Variants in MICU2 observed in about 807,000 individuals in gnomAD.
MICU2 encodes the protein mitochondrial calcium uptake 2, also known as calcium uptake protein 2, mitochondrial.
MICU2 carries 64 observed loss-of-function variants against 60.4 expected under a neutral mutation model. The observed-to-expected ratio is 1.06, with a 90% CI of 0.87 to 1.31. The LOEUF (loss-of-function observed/expected upper bound fraction) is 1.31. Ranked by LOEUF, MICU2 falls within the 50% of genes most tolerant of loss-of-function variation. The pLI, the probability that MICU2 is intolerant of heterozygous loss-of-function variation, is 0.00. For synonymous variants in MICU2, 201 were observed against 175.0 expected (o/e 1.15, Z -1.17); for missense variants, 569 against 531.0 (o/e 1.07, Z -0.70).
intron 1 of MICU2, among the ~76,000 whole-genome samples, chr13:21,576,384 G>A (rs1282032009): frequency 6.6e-6 from 1 of 152,064 alleles, no homozygotes; most frequent in Non-Finnish European, 1.5e-5. Context: ...CCTGGAAACT[G>A]AGAACTTCAA....
intron 1 of MICU2, among the ~76,000 whole-genome samples, chr13:21,569,113 G>A (rs1888049118): frequency 1.3e-5 from 2 of 152,102 alleles, no homozygotes; most frequent in African/African-American, 4.8e-5. Flanking sequence ...GTTGATTTCC[G>A]AGCTTGAGGC....
intron 8 of MICU2, among the ~76,000 whole-genome samples, 194 bp from the exon 9 acceptor site, chr13:21,503,291 TG>T (rs2138138716): frequency 6.6e-6 from 1 of 152,288 alleles, no homozygotes; most frequent in East Asian, 1.9e-4. Flanking sequence ...AGTCCAACAC[TG>T]GCTTCCATCA....
chr13:21,518,469 G>A (rs984600726), intron 6 of MICU2, among the ~76,000 whole-genome samples: 3 of 152,114 alleles, frequency 2.0e-5, no homozygotes, highest in South Asian at 2.1e-4. Context: ...CAGGGGCTCC[G>A]CTATGCCCAC....
At chr13:21,556,410 A>T (rs989076736) in intron 2 of MICU2, among the ~76,000 whole-genome samples, 1 of 152,158 alleles carries the variant, frequency 6.6e-6, no homozygotes, top group Non-Finnish European at 1.5e-5. Context: ...GGAATAACTC[A>T]CCACTCAGTC....
chr13:21,514,808 G>T (rs1014075229), intron 6 of MICU2, among the ~76,000 whole-genome samples: 3 of 151,758 alleles, frequency 2.0e-5, no homozygotes, highest in African/African-American at 7.3e-5. Flanking sequence ...CCAAAGTGCT[G>T]GGATTACAGG....
intron 1 of MICU2, among the ~76,000 whole-genome samples, chr13:21,586,950 T>C (rs1259033687): frequency 6.6e-6 from 1 of 152,200 alleles, no homozygotes; most frequent in African/African-American, 2.4e-5. Flanking sequence ...CCAGGCATCT[T>C]CTTCCCTCTT....
At chr13:21,534,713 T>A (rs1214711306) in intron 4 of MICU2, among the ~76,000 whole-genome samples, 1 of 152,202 alleles carries the variant, frequency 6.6e-6, no homozygotes, top group East Asian at 1.9e-4. Context: ...CTATTATGTG[T>A]CAGAGAATGT....
intron 4 of MICU2, among the ~76,000 whole-genome samples, chr13:21,525,293 C>T (rs868504564): frequency 6.8e-6 from 1 of 146,330 alleles, no homozygotes; most frequent in Admixed American, 7.0e-5. Context: ...CCCAGGTTCA[C>T]GCCATTCTCC....
At chr13:21,561,709 CTCTTT>C (rs1887847373) in intron 2 of MICU2, among the ~76,000 whole-genome samples, 2 of 135,730 alleles carry the variant, frequency 1.5e-5, no homozygotes, top group East Asian at 4.2e-4. Context: ...TTTTTTTAGT[CTCTTT>C]TTTTTTATTA....
At chr13:21,531,342 C>T in intron 4 of MICU2, 12 of 1,496,196 alleles carry the variant, frequency 8.0e-6, no homozygotes, top group Non-Finnish European at 1.1e-5. Flanking sequence ...ACCCGAAAAA[C>T]TTGATGGAAT....
chr13:21,596,509 C>T (rs571895099), intron 1 of MICU2, among the ~76,000 whole-genome samples: 13 of 152,014 alleles, frequency 8.6e-5, no homozygotes, highest in African/African-American at 3.1e-4. Flanking sequence ...CTGCAACCTC[C>T]GCCTCCGGGG....
chr13:21,551,531 C>T (rs1193123302), intron 2 of MICU2: 1 of 151,608 alleles, frequency 6.6e-6, no homozygotes, highest in Admixed American at 6.6e-5. Flanking sequence ...TGGTGCACTG[C>T]ACCCATTAAC....
intron 6 of MICU2, among the ~76,000 whole-genome samples, chr13:21,515,269 A>C (rs1304552012): frequency 2.0e-5 from 3 of 151,884 alleles, no homozygotes; most frequent in Non-Finnish European, 4.4e-5. Flanking sequence ...TTTTTAGTAG[A>C]GATGGGGTTT....
Position 21,569,243 on chromosome 13 carries a change from T to C in MICU2, c.211-2299A>G, listed in dbSNP as rs377209463. Among the ~76,000 whole-genome samples the C allele has an allele frequency of 1.2e-4, 18 of 152,262 alleles. 1 individual carries two copies. The highest frequency in any genetic ancestry group is 4.1e-4 in the African/African-American group (17 of 41,550). On this transcript the variant is annotated intron_variant, in intron 1 of 11. Coordinates refer to ENST00000382374, the MANE Select transcript of MICU2 (RefSeq NM_152726.3). ...GAGGTATAAAACCTTCCAACAACGCTATCAACATCCCCCCAATTAATTTTG... is the reference window on the plus strand; with the variant it reads ...GAGGTATAAAACCTTCCAACAACGCCATCAACATCCCCCCAATTAATTTTG...
intron 1 of MICU2, among the ~76,000 whole-genome samples, chr13:21,568,959 TTCAG>T (rs1440642686): frequency 6.6e-6 from 1 of 152,118 alleles, no homozygotes; most frequent in Non-Finnish European, 1.5e-5. Context: ...TTGAAGAGGC[TTCAG>T]TCAGTTATTC....
Position 21,500,427 on chromosome 13 carries a change from T to G in MICU2, c.933+2499A>C, listed in dbSNP as rs1456477535. On this transcript the variant is annotated intron_variant, in intron 9 of 11. Coordinates refer to ENST00000382374, the MANE Select transcript of MICU2 (RefSeq NM_152726.3). ...TCTTGATACCTACTGATTTTTTTTTTTTTTTTTTTTTTTTTTTTTTTGAGA... is the reference window on the plus strand; with the variant it reads ...TCTTGATACCTACTGATTTTTTTTTGTTTTTTTTTTTTTTTTTTTTTGAGA... 7.7e-4 allele frequency among the ~76,000 whole-genome samples: 112 copies of G among 145,996 alleles called. 5 individuals are homozygous for G. Among genetic ancestry groups the G allele is most frequent in the South Asian group, 4.6e-3 (21 of 4,536 alleles).
At chr13:21,517,544 C>T (rs530099062) in intron 6 of MICU2, among the ~76,000 whole-genome samples, 5 of 152,046 alleles carry the variant, frequency 3.3e-5, no homozygotes, top group Non-Finnish European at 5.9e-5. Flanking sequence ...GGGAGGCTGA[C>T]GCGGGTGGAT....
chr13:21,566,716 G>T, intron 2 of MICU2, 81 bp downstream of exon 2: 1 of 1,161,424 alleles, frequency 8.6e-7, no homozygotes, highest in Non-Finnish European at 1.2e-6. Context: ...ATGAAGAAAA[G>T]CTGTTATCAA....
At chr13:21,535,306 A>G (rs1593331470) in intron 4 of MICU2, among the ~76,000 whole-genome samples, 1 of 152,134 alleles carries the variant, frequency 6.6e-6, no homozygotes, top group African/African-American at 2.4e-5. Flanking sequence ...AACCCTCCCC[A>G]GCCTTCCTTA....
Sources: gnomAD v4.1 joint callset for allele counts (sites outside exome capture counted in the v4.1 genomes callset) on GRCh38, gnomAD v4.1.1 for gene constraint, MANE v1.5 for transcripts, NCBI Gene and HGNC (gene_info 2026-07-23, HGNC 2026-07-21) for gene names.